Variants in RBPJ observed in about 807,000 individuals in gnomAD.
RBPJ encodes recombining binding protein suppressor of hairless.
A neutral mutation model predicts 67.8 loss-of-function variants in RBPJ; 9 were observed. The ratio of observed to expected loss-of-function variants is 0.13; its 90% CI spans 0.08 to 0.23. The LOEUF (loss-of-function observed/expected upper bound fraction) is 0.23. RBPJ is among the 10% of genes least tolerant of loss of function. The pLI is 1.00. For synonymous variants in RBPJ, 198 were observed against 203.3 expected, an observed-to-expected ratio of 0.97 and a Z score of 0.22; for missense variants, 305 against 595.6, an observed-to-expected ratio of 0.51 and a Z score of 5.08.
At chr4:26,250,508 T>C (rs1011237267) in intron 1 of RBPJ, among the ~76,000 whole-genome samples, 1 of 151,988 alleles carries the variant, frequency 6.6e-6, no homozygotes, top group Non-Finnish European at 1.5e-5. Context: ...ATTTTTGTAT[T>C]TTTAGTAGAC....
At chr4:26,320,629 C>T, upstream of RBPJ, 2 of 1,159,060 alleles carry the variant, frequency 1.7e-6, no homozygotes, top group Non-Finnish European at 2.4e-6. Context: ...CCCCTCCTCC[C>T]TTCTCCTCGG....
intron 2 of RBPJ, among the ~76,000 whole-genome samples, chr4:26,386,633 T>G (rs1018933073): frequency 6.6e-6 from 1 of 152,222 alleles, no homozygotes; most frequent in Non-Finnish European, 1.5e-5. Flanking sequence ...TTGAGTCTTA[T>G]GTAGTGAATA....
intron 1 of RBPJ, among the ~76,000 whole-genome samples, chr4:26,354,055 C>G (rs536208279): frequency 1.3e-5 from 2 of 151,934 alleles, no homozygotes; most frequent in African/African-American, 2.4e-5. Flanking sequence ...CTCAGCCTCC[C>G]GAGTAGCTGG....
At chr4:26,331,945 G>A (rs897557193) in intron 1 of RBPJ, among the ~76,000 whole-genome samples, 5 of 152,206 alleles carry the variant, frequency 3.3e-5, no homozygotes, top group Admixed American at 1.3e-4. Context: ...ACTGAAAGAT[G>A]ATCTGGTTTA....
intron 3 of RBPJ, among the ~76,000 whole-genome samples, chr4:26,408,357 G>C (rs1435506779): frequency 1.3e-5 from 2 of 150,938 alleles, no homozygotes; most frequent in Non-Finnish European, 2.9e-5. Context: ...GGTATCTGTA[G>C]TTTGGGACAT....
At chr4:26,225,356 C>T (rs566213832) in intron 1 of RBPJ, among the ~76,000 whole-genome samples, 1 of 152,048 alleles carries the variant, frequency 6.6e-6, no homozygotes, top group Non-Finnish European at 1.5e-5. Context: ...TAAGCTAGCC[C>T]GAAAAGGCTA....
chr4:26,273,420 C>T (rs1343459023), intron 1 of RBPJ, among the ~76,000 whole-genome samples: 2 of 152,252 alleles, frequency 1.3e-5, no homozygotes, highest in Admixed American at 6.5e-5. Context: ...TGCCTGGCGA[C>T]CTCCCAGAGG....
chr4:26,231,310 T>G (rs1719275337), intron 1 of RBPJ, among the ~76,000 whole-genome samples: 1 of 152,218 alleles, frequency 6.6e-6, no homozygotes, highest in South Asian at 2.1e-4. Context: ...GTTTTTTGAC[T>G]GAGATGACTA....
At chr4:26,280,740 C>A (rs1449275841) in intron 1 of RBPJ, among the ~76,000 whole-genome samples, 2 of 152,066 alleles carry the variant, frequency 1.3e-5, no homozygotes, top group East Asian at 3.9e-4. Context: ...TTTACCACAA[C>A]ATAAAAAAAA....
chr4:26,333,634 C>T (rs1284278596), intron 1 of RBPJ, among the ~76,000 whole-genome samples: 1 of 152,060 alleles, frequency 6.6e-6, no homozygotes, highest in Non-Finnish European at 1.5e-5. Flanking sequence ...AAGCATTCTT[C>T]CTGCCTCATC....
intron 1 of RBPJ, among the ~76,000 whole-genome samples, chr4:26,232,466 C>G (rs1560221223): frequency 7.3e-6 from 1 of 137,386 alleles, no homozygotes; most frequent in African/African-American, 3.5e-5. Context: ...CAATCCACCT[C>G]GGCATCCCAA....
At chr4:26,244,161 A>ATATGTGTC (rs1560225793) in intron 1 of RBPJ, among the ~76,000 whole-genome samples, 1 of 115,356 alleles carries the variant, frequency 8.7e-6, no homozygotes. Flanking sequence ...ATATATGTAT[A>ATATGTGTC]TATATATGTA....
At chr4:26,326,820 C>T (rs1723673712) in intron 1 of RBPJ, among the ~76,000 whole-genome samples, 1 of 152,122 alleles carries the variant, frequency 6.6e-6, no homozygotes, top group Admixed American at 6.6e-5. Flanking sequence ...TTGAGCAGGG[C>T]TCAAGATGGA....
At chr4:26,255,642 A>T (rs1414066877) in intron 1 of RBPJ, among the ~76,000 whole-genome samples, 1 of 150,472 alleles carries the variant, frequency 6.6e-6, no homozygotes, top group Non-Finnish European at 1.5e-5. Flanking sequence ...CTCTACTAAA[A>T]ATACAAAAAA....
At chr4:26,170,188 A>G (rs13141648) in intron 1 of RBPJ, among the ~76,000 whole-genome samples, 45,283 of 152,006 alleles carry the variant, frequency 0.3, 8,155 homozygotes, top group East Asian at 0.5. Flanking sequence ...GGAACTGTAG[A>G]CCGGAGCTGT....
chr4:26,368,676 G>T (rs1728858971), intron 1 of RBPJ, among the ~76,000 whole-genome samples: 1 of 152,192 alleles, frequency 6.6e-6, no homozygotes, highest in South Asian at 2.1e-4. Context: ...GCACCCAAGG[G>T]TGGTGAGGGG....
the RBPJ span, among the ~76,000 whole-genome samples, chr4:26,131,813 G>C: frequency 6.6e-6 from 1 of 152,156 alleles, no homozygotes; most frequent in South Asian, 2.1e-4. Flanking sequence ...TTCTGTTTTT[G>C]AAACCACCCC....
intron 3 of RBPJ, among the ~76,000 whole-genome samples, chr4:26,414,559 G>A (rs992492041): frequency 1.1e-4 from 16 of 152,138 alleles, no homozygotes; most frequent in Admixed American, 3.9e-4. Context: ...GCCCTCTAGA[G>A]AGATATGGCA....
chr4:26,340,393 G>A (rs1157727373), intron 1 of RBPJ, among the ~76,000 whole-genome samples: 2 of 152,292 alleles, frequency 1.3e-5, no homozygotes, highest in South Asian at 2.1e-4. Flanking sequence ...GGTCCAAAAT[G>A]TGCAAGGTTT....
Sources: gnomAD v4.1 joint callset for allele counts (sites outside exome capture counted in the v4.1 genomes callset) on GRCh38, gnomAD v4.1.1 for gene constraint, MANE v1.5 for transcripts, NCBI Gene and HGNC (gene_info 2026-07-23, HGNC 2026-07-21) for gene names.